The following IRGQ variants were observed in gnomAD, a reference collection of about 807,000 sequenced individuals.
The protein encoded by IRGQ is immunity-related GTPase family Q protein.
A neutral mutation model predicts 10.5 loss-of-function variants in IRGQ; 5 were observed. The ratio of observed to expected loss-of-function variants is 0.48; its 90% CI spans 0.25 to 1.00. IRGQ has a LOEUF of 1.00. Ranked by LOEUF, IRGQ falls within the 50% of genes least tolerant of loss-of-function variation. The pLI is 0.16. For missense variants in IRGQ, 792 were observed against 877.7 expected, an observed-to-expected ratio of 0.90 and a Z score of 1.23; for synonymous variants, 418 against 426.0, an observed-to-expected ratio of 0.98 and a Z score of 0.23.
Position 43,593,745 on chromosome 19 carries a change from G to T in IRGQ, c.531-378C>A, listed in dbSNP as rs1311897473. ...AGGGTGGGGCCTAGAACAAAGAATC[G>T]CAACTGTATTGTGGCCTAAACACAA... On this transcript the variant is annotated intron_variant, in intron 2 of 2. Coordinates refer to ENST00000422989, the MANE Select transcript of IRGQ (RefSeq NM_001007561.3). The surrounding 1 kb of genome is among the most constrained non-coding windows in gnomAD (Gnocchi z 6.4). 2.0e-5 allele frequency among the ~76,000 whole-genome samples: 3 copies of T among 152,124 alleles called. No individual in the cohort carries two copies. The highest frequency in any genetic ancestry group is 7.2e-5 in the African/African-American group (3 of 41,406).
At position 43,584,868 on chromosome 19, in the gene IRGQ, A is replaced by G. The variant is rs1200043655; in HGVS notation, c.*7158T>C. 1 of 151,964 alleles carries G rather than the reference A, an allele frequency of 6.6e-6. No individual in the cohort carries two copies. The highest frequency in any genetic ancestry group is 1.5e-5 in the Non-Finnish European group (1 of 68,048). The allele number at this position is 151,964 out of a possible 1,614,324, so 9.4% of individuals were successfully genotyped here. ...TCTTTCCTTCTTTTTATTTTTTTAG[A>G]CATTGTCTTGCTCTGTCACCCAGGC... On this transcript the variant is annotated 3_prime_UTR_variant, in exon 3 of 3. Transcript: ENST00000422989.
intron 2 of IRGQ, among the ~76,000 whole-genome samples, chr19:43,594,002 G>A (rs906460204): frequency 9.2e-5 from 14 of 152,220 alleles, no homozygotes; most frequent in South Asian, 2.1e-4. Context: ...CTGGCAGGTG[G>A]TAGAGCAAAT....
chr19:43,594,186 G>A (rs1289182376), intron 2 of IRGQ, among the ~76,000 whole-genome samples: 1 of 152,202 alleles, frequency 6.6e-6, no homozygotes, highest in African/African-American at 2.4e-5. Flanking sequence ...ATCTTCCAGG[G>A]GGCTGGGCAG....
At position 43,593,449 on chromosome 19, in the gene IRGQ, C is replaced by T; in HGVS notation, c.531-82G>A. The T allele has an allele frequency of 7.3e-7, 1 of 1,367,872 alleles. No homozygotes were observed. The highest frequency in any genetic ancestry group is 9.6e-7 in the Non-Finnish European group (1 of 1,039,486). 84.7% of individuals were successfully genotyped at this position (1,367,872 alleles called of 1,614,324 possible). ...CTGGGCTATGATGACAAGGGCAGAG[C>T]TTTCCTAATGATCCCAGAATGGGGC... On this transcript the variant is annotated intron_variant, in intron 2 of 2. Transcript: ENST00000422989. The surrounding 1 kb of genome is among the most constrained non-coding windows in gnomAD (Gnocchi z 6.4).
At chr19:43,594,717 C>T (rs1973107804) in intron 2 of IRGQ, 92 bp downstream of exon 2, 4 of 1,104,280 alleles carry the variant, frequency 3.6e-6, no homozygotes, top group Middle Eastern at 3.2e-4. Flanking sequence ...TTGCCCCAAA[C>T]TCACTGGGGG....
rs567585550 is a variant in IRGQ, at chr19:43,588,510, G to C, written c.*3516C>G. ...GGCCAAGGCGGGTGGCCTGAGGTCA[G>C]TAGTTCCAGACCAGCCTGATCAACA... On this transcript the variant is annotated 3_prime_UTR_variant, in exon 3 of 3. Coordinates refer to ENST00000422989, the MANE Select transcript of IRGQ (RefSeq NM_001007561.3). 3 of 152,272 alleles carry C rather than the reference G, an allele frequency of 2.0e-5. No homozygotes were observed. Among genetic ancestry groups the C allele is most frequent in the African/African-American group, 7.2e-5 (3 of 41,546 alleles). The allele number at this position is 152,272 out of a possible 1,614,324, so 9.4% of individuals were successfully genotyped here. A position where few individuals can be genotyped will look rare whatever the true frequency, so the allele number is the denominator to read the frequency against.
At position 43,592,903 on chromosome 19, in the gene IRGQ, T is replaced by A; in HGVS notation, c.995A>T (p.Asp332Val). The A allele has an allele frequency of 6.2e-7, 1 of 1,612,916 alleles. No homozygotes were observed. The highest frequency in any genetic ancestry group is 8.5e-7 in the Non-Finnish European group (1 of 1,180,022). ...PDAPLVCVRT[D>V]GEGEDPECLG... Reference sequence around the variant, plus strand: ...ACACTCCGGATCCTCGCCCTCGCCGTCTGTGCGCACGCAGACAAGAGGCGC... The same window carrying A: ...ACACTCCGGATCCTCGCCCTCGCCGACTGTGCGCACGCAGACAAGAGGCGC... Residue 332 changes from aspartate to valine, a missense_variant, in exon 3 of 3, where the codon GAC becomes GTC. Coordinates refer to ENST00000422989, the MANE Select transcript of IRGQ (RefSeq NM_001007561.3).
At position 43,590,455 on chromosome 19, in the gene IRGQ, T is replaced by C. The variant is rs1568526655; in HGVS notation, c.*1571A>G. 6.6e-6 allele frequency: 1 copy of C among 152,270 alleles called. No individual in the cohort carries two copies. The highest frequency in any genetic ancestry group is 1.5e-5 in the Non-Finnish European group (1 of 68,064). The allele number at this position is 152,270 out of a possible 1,614,324, so 9.4% of individuals were successfully genotyped here. ...TTTCCCCCACATGTGGCTAGCAGCC[T>C]AGAACATTCCAGGCACTGTGGTTTC... is the stretch of plus-strand genomic sequence containing the variant. On this transcript the variant is annotated 3_prime_UTR_variant, in exon 3 of 3. Transcript: ENST00000422989.
At position 43,586,545 on chromosome 19, in the gene IRGQ, T is replaced by C. The variant is rs1972996406; in HGVS notation, c.*5481A>G. ...CCTGCTGGCATGAGGGCAGAGGAAA[T>C]TGAGAGGAGCAAAGCATATAGCAGT... On this transcript the variant is annotated 3_prime_UTR_variant, in exon 3 of 3. Coordinates refer to ENST00000422989, the MANE Select transcript of IRGQ (RefSeq NM_001007561.3). The C allele has an allele frequency of 6.6e-6, 1 of 151,938 alleles. No homozygotes were observed. The highest frequency in any genetic ancestry group is 1.5e-5 in the Non-Finnish European group (1 of 67,994). The allele number at this position is 151,938 out of a possible 1,614,324, so 9.4% of individuals were successfully genotyped here.
chr19:43,594,797 G>A lies in IRGQ; in HGVS notation c.530+12C>T. On this transcript the variant is annotated intron_variant, in intron 2 of 2. Transcript: ENST00000422989. ...CTCGACTAACGGACCCAGCCAGAAA[G>A]CCGGCACTCACCTCCGCAGCGCTTC... The A allele has an allele frequency of 1.3e-6, 2 of 1,587,680 alleles. No individual in the cohort carries two copies. Among genetic ancestry groups the A allele is most frequent in the Non-Finnish European group, 1.7e-6 (2 of 1,165,924 alleles).
chr19:43,592,085 G>C lies in IRGQ; in HGVS notation c.1813C>G (p.Leu605Val), dbSNP rs900122121. 14 of 1,612,600 alleles carry C rather than the reference G, an allele frequency of 8.7e-6. No individual in the cohort carries two copies. The Admixed American group carries it at 1.0e-4, about 12-fold the overall frequency. Residue 605 changes from leucine to valine, a missense_variant, in exon 3 of 3, where the codon CTC (leucine) becomes GTC (valine). Transcript: ENST00000422989. ...TCAGCATCAGCCCGCATCTCATCGA[G>C]AGCCTGCAGCAGGACGCCGTGAGCC... The part of the protein sequence containing the change: ...RAAHGVLLQA[L>V]DEMRADAEAV...
At position 43,592,369 on chromosome 19, in the gene IRGQ, C is replaced by T. The variant is rs1568527465; in HGVS notation, c.1529G>A (p.Arg510Gln). Residue 510 changes from arginine (R) to glutamine (Q), a missense_variant, in exon 3 of 3, where the codon CGG becomes CAG. Transcript: ENST00000422989. ...CCGTCGCCACTCCGCCAGCTGACCC[C>T]GCAGAAGTGCCACGTCGCATGCCCA... is the stretch of plus-strand genomic sequence containing the variant. ...LGWACDVALL[R>Q]GQLAEWRRGL... The T allele has an allele frequency of 1.9e-6, 3 of 1,577,262 alleles. No individual in the cohort carries two copies. The highest frequency in any genetic ancestry group is 1.4e-5 in the African/African-American group (1 of 74,050).
At chr19:43,595,623 G>GGAGGCC (rs1338258655) in intron 1 of IRGQ, 8 of 292,470 alleles carry the variant, frequency 2.7e-5, no homozygotes, top group African/African-American at 1.5e-4. Flanking sequence ...CAGTGCTTTG[G>GGAGGCC]GAGGCCGAGG....
In IRGQ at chr19:43,586,390, G is replaced by C. The variant is rs1972994564; in HGVS notation, c.*5636C>G. The C allele has an allele frequency of 6.6e-6, 1 of 151,964 alleles. No homozygotes were observed. 9.4% of individuals were successfully genotyped at this position (151,964 alleles called of 1,614,324 possible). A position where few individuals can be genotyped will look rare whatever the true frequency, so the allele number is the denominator to read the frequency against. On this transcript the variant is annotated 3_prime_UTR_variant, in exon 3 of 3. Coordinates refer to ENST00000422989, the MANE Select transcript of IRGQ (RefSeq NM_001007561.3). ...CCCAAAAGAAGTCATAACACTCAAG[G>C]GTGTCAATATATACAACTGTGTAAA...
At chr19:43,594,782 G>A (rs1246588246) in intron 2 of IRGQ, 27 bp downstream of exon 2, 2 of 1,572,242 alleles carry the variant, frequency 1.3e-6, no homozygotes, top group Non-Finnish European at 1.7e-6. Context: ...CTCGACTAAC[G>A]GACCCAGCCA....
intron 1 of IRGQ, 150 bp from the exon 2 acceptor site, chr19:43,595,490 C>G (rs1973124495): frequency 1.8e-6 from 1 of 568,268 alleles, no homozygotes; most frequent in Admixed American, 3.9e-5. Context: ...AAATCCAGAG[C>G]CCAGACCCTA....
At position 43,592,576 on chromosome 19, in the gene IRGQ, C is replaced by T; in HGVS notation, c.1322G>A (p.Gly441Glu). 6.3e-7 allele frequency: 1 copy of T among 1,599,578 alleles called. No homozygotes were observed. Residue 441 changes from glycine (G) to glutamate (E), a missense_variant, in exon 3 of 3, where the codon GGG becomes GAG. Transcript: ENST00000422989. ...CGCTCGCCGCAGCCATTCGCATAGCCCTGGGAGTCCGCCAGGCCGTAGGGG... is the reference window on the plus strand; with the variant it reads ...CGCTCGCCGCAGCCATTCGCATAGCTCTGGGAGTCCGCCAGGCCGTAGGGG... ...VFPLRPGGLP[G>E]LCEWLRRALP...
At position 43,592,562 on chromosome 19, in the gene IRGQ, G is replaced by A. The variant is rs75735430; in HGVS notation, c.1336C>T (p.Leu446=). ...PGGLPGLCEW[L]RRALPPAQAG... ...TGGGCTGGGGGGAGCGCTCGCCGCA[G>A]CCATTCGCATAGCCCTGGGAGTCCG... is the stretch of plus-strand genomic sequence containing the variant. The change falls in exon 3 of 3, where the codon CTG becomes TTG. Residue 446 remains leucine (L), a synonymous_variant. Coordinates refer to ENST00000422989, the MANE Select transcript of IRGQ (RefSeq NM_001007561.3). 9.4e-4 allele frequency: 1,498 copies of A among 1,598,094 alleles called. 9 individuals carry two copies. The African/African-American group carries it at 0.018, about 19-fold the overall frequency.
chr19:43,591,997 G>A lies in IRGQ; in HGVS notation c.*29C>T. ...TTAAGCCCAGGCATCCCCTGTCAGA[G>A]TCTGGACTCCCAAGCCCCCTCCCAC... On this transcript the variant is annotated 3_prime_UTR_variant, in exon 3 of 3. Coordinates refer to ENST00000422989, the MANE Select transcript of IRGQ (RefSeq NM_001007561.3). 1.9e-6 allele frequency: 3 copies of A among 1,548,990 alleles called. No individual in the cohort carries two copies. The highest frequency in any genetic ancestry group is 1.4e-5 in the African/African-American group (1 of 73,336).
Sources: allele counts gnomAD v4.1 joint callset (sites outside exome capture counted in the v4.1 genomes callset), GRCh38; gene constraint gnomAD v4.1.1; non-coding constraint Gnocchi (gnomAD v3.1); transcripts MANE v1.5; gene names NCBI Gene and HGNC (gene_info 2026-07-23, HGNC 2026-07-21).